FNDC3A: variants seen among roughly 807,000 people sequenced by gnomAD.
FNDC3A encodes the protein fibronectin type III domain containing 3A.
In FNDC3A, 32 loss-of-function variants were observed where a neutral mutation model predicts 148.9. The observed-to-expected ratio is 0.21, with a 90% CI of 0.16 to 0.29. The LOEUF (loss-of-function observed/expected upper bound fraction) is 0.29, where lower values mean the gene tolerates loss of function less well. FNDC3A is among the 10% of genes least tolerant of loss of function. The probability of loss-of-function intolerance (pLI) is 1.00; values close to 1 mark genes in which losing one functional copy is unlikely to be tolerated. For missense variants in FNDC3A, 1,191 were observed against 1,452.8 expected, an observed-to-expected ratio of 0.82 and a Z score of 2.93; for synonymous variants, 472 against 473.6, an observed-to-expected ratio of 1.00 and a Z score of 0.04.
chr13:49,201,284 AC>A (rs1886407150), intron 23 of FNDC3A: 1 of 163,462 alleles, frequency 6.1e-6, no homozygotes, highest in Non-Finnish European at 1.4e-5. Context: ...CTCTAAAAAA[AC>A]GTCACCAAGT....
chr13:49,053,962 A>G (rs536704487), intron 2 of FNDC3A, among the ~76,000 whole-genome samples: 65 of 152,318 alleles, frequency 4.3e-4, no homozygotes, highest in African/African-American at 1.4e-3. Flanking sequence ...CTCTGCTGTC[A>G]TGTGATGCTA....
chr13:48,988,609 A>T (rs1448312849), intron 1 of FNDC3A, among the ~76,000 whole-genome samples: 1 of 152,162 alleles, frequency 6.6e-6, no homozygotes, highest in African/African-American at 2.4e-5. Flanking sequence ...TGGGAGGCTG[A>T]GGTGGGAGGA....
At chr13:49,077,034 T>C (rs1878161215) in intron 3 of FNDC3A, among the ~76,000 whole-genome samples, 1 of 152,164 alleles carries the variant, frequency 6.6e-6, no homozygotes, top group South Asian at 2.1e-4. Flanking sequence ...TCCCAGTGCT[T>C]TGAGAGAATG....
intron 3 of FNDC3A, among the ~76,000 whole-genome samples, chr13:49,099,521 A>G (rs1879732978): frequency 6.6e-6 from 1 of 152,138 alleles, no homozygotes; most frequent in Non-Finnish European, 1.5e-5. Context: ...GGTTAAATAA[A>G]TAAATATGAG....
At chr13:49,147,768 G>A (rs1014148185) in intron 8 of FNDC3A, among the ~76,000 whole-genome samples, 1 of 151,946 alleles carries the variant, frequency 6.6e-6, no homozygotes, top group African/African-American at 2.4e-5. Context: ...TTGCTCATTT[G>A]TATGATATTT....
At chr13:49,057,950 A>G (rs936959678) in intron 2 of FNDC3A, among the ~76,000 whole-genome samples, 12 of 152,124 alleles carry the variant, frequency 7.9e-5, no homozygotes, top group Non-Finnish European at 1.8e-4. Context: ...CAAAATTTAT[A>G]TGTTGAAGTC....
At chr13:49,059,462 T>C (rs767777365) in intron 2 of FNDC3A, among the ~76,000 whole-genome samples, 1 of 152,174 alleles carries the variant, frequency 6.6e-6, no homozygotes, top group East Asian at 1.9e-4. Context: ...TTTTTGTTGT[T>C]TGTTTGTTTT....
chr13:49,089,180 T>C (rs1879027064), intron 3 of FNDC3A, among the ~76,000 whole-genome samples: 1 of 152,214 alleles, frequency 6.6e-6, no homozygotes, highest in Non-Finnish European at 1.5e-5. Flanking sequence ...TGTGTTAAAA[T>C]GGCAAGTTTT....
chr13:49,054,168 C>T (rs1876059490), intron 2 of FNDC3A, among the ~76,000 whole-genome samples: 1 of 152,178 alleles, frequency 6.6e-6, no homozygotes, highest in Admixed American at 6.5e-5. Context: ...GTTGGGTCCT[C>T]TTGGCCTAAA....
chr13:49,202,917 T>C (rs1311367413), intron 24 of FNDC3A, among the ~76,000 whole-genome samples: 2 of 152,190 alleles, frequency 1.3e-5, no homozygotes, highest in African/African-American at 4.8e-5. Context: ...GAGGCTGCAT[T>C]GAGCTATGAT....
At chr13:49,020,569 T>G (rs377508632) in intron 2 of FNDC3A, among the ~76,000 whole-genome samples, 1 of 152,238 alleles carries the variant, frequency 6.6e-6, no homozygotes, top group South Asian at 2.1e-4. Flanking sequence ...ACCCAGCCCC[T>G]AAATAGAATG....
intron 2 of FNDC3A, among the ~76,000 whole-genome samples, chr13:49,054,467 A>G (rs1466986978): frequency 6.6e-6 from 1 of 152,214 alleles, no homozygotes; most frequent in Admixed American, 6.5e-5. Context: ...TTCATTCAAC[A>G]TAATCTTGTA....
In FNDC3A at chr13:49,186,092, A is replaced by G; in HGVS notation, c.1746A>G (p.Lys582=). 6.2e-7 allele frequency: 1 copy of G among 1,611,620 alleles called. No individual in the cohort carries two copies. Among genetic ancestry groups the G allele is most frequent in the East Asian group, 2.2e-5 (1 of 44,774 alleles). ...VKGKIHSHSF[K]ITWDPPKDNG... ...GAAAGATACATTCACACAGTTTTAA[A>G]ATAACCTGGGGTAAGATATTATGCA... is the stretch of plus-strand genomic sequence containing the variant. Residue 582 remains lysine, a synonymous_variant, in exon 15 of 26, where the codon AAA becomes AAG. Transcript: ENST00000492622.
chr13:49,117,385 A>T (rs1831608569), intron 4 of FNDC3A, among the ~76,000 whole-genome samples: 1 of 152,188 alleles, frequency 6.6e-6, no homozygotes, highest in Admixed American at 6.5e-5. Context: ...TCACATGCTT[A>T]CTTGGTGTTT....
chr13:49,008,597 TATTAAG>T (rs1952270306), intron 2 of FNDC3A, among the ~76,000 whole-genome samples: 3 of 152,344 alleles, frequency 2.0e-5, no homozygotes, highest in South Asian at 4.1e-4. Context: ...TATAGTTGGC[TATTAAG>T]ATTATCTGTC....
intron 22 of FNDC3A, 35 bp downstream of exon 22, chr13:49,198,300 A>G (rs917725641): frequency 1.2e-6 from 2 of 1,611,326 alleles, no homozygotes; most frequent in African/African-American, 2.7e-5. Flanking sequence ...TTTTGCCTAG[A>G]CCAGAGAGAC....
At chr13:49,133,600 A>G (rs1329320779) in intron 5 of FNDC3A, among the ~76,000 whole-genome samples, 1 of 152,180 alleles carries the variant, frequency 6.6e-6, no homozygotes, top group Non-Finnish European at 1.5e-5. Flanking sequence ...TGTCCTTTCC[A>G]TGCACAATCC....
intron 2 of FNDC3A, among the ~76,000 whole-genome samples, chr13:49,073,342 T>G (rs1027982269): frequency 6.6e-6 from 1 of 151,930 alleles, no homozygotes; most frequent in East Asian, 1.9e-4. Flanking sequence ...AGCAGGTAAT[T>G]TACAAAAGAG....
chr13:49,032,934 T>C (rs1874232504), intron 2 of FNDC3A, among the ~76,000 whole-genome samples: 1 of 152,138 alleles, frequency 6.6e-6, no homozygotes, highest in Non-Finnish European at 1.5e-5. Context: ...TATATGTTTA[T>C]ATAATTTAAA....
Sources: allele counts gnomAD v4.1 joint callset (sites outside exome capture counted in the v4.1 genomes callset), GRCh38; gene constraint gnomAD v4.1.1; transcripts MANE v1.5; gene names NCBI Gene and HGNC (gene_info 2026-07-23, HGNC 2026-07-21).